Variants in CLPB observed in about 807,000 individuals in gnomAD.
CLPB encodes mitochondrial disaggregase.
CLPB carries 40 observed loss-of-function variants against 78.4 expected under a neutral mutation model. The ratio of observed to expected loss-of-function variants is 0.51; its 90% confidence interval spans 0.40 to 0.66. CLPB has a LOEUF of 0.66. CLPB is among the 30% of genes least tolerant of loss of function. The pLI is 0.00. For synonymous variants in CLPB, 333 were observed against 348.0 expected, an observed-to-expected ratio of 0.96 and a Z score of 0.48; for missense variants, 780 against 886.9, an observed-to-expected ratio of 0.88 and a Z score of 1.53.
intron 1 of CLPB, among the ~76,000 whole-genome samples, chr11:72,430,698 T>C (rs1396424716): frequency 1.3e-5 from 2 of 152,228 alleles, no homozygotes; most frequent in Admixed American, 6.5e-5. Flanking sequence ...TTTATGTTCC[T>C]ATAAGAGTTA....
chr11:72,330,904 C>T (rs1950212531), intron 5 of CLPB, among the ~76,000 whole-genome samples: 1 of 152,142 alleles, frequency 6.6e-6, no homozygotes, highest in African/African-American at 2.4e-5. Flanking sequence ...ATAGAATGGG[C>T]TGGCTGGGAA....
chr11:72,319,787 C>T (rs1213803755), intron 6 of CLPB, among the ~76,000 whole-genome samples: 1 of 152,226 alleles, frequency 6.6e-6, no homozygotes, highest in Admixed American at 6.5e-5. Context: ...AAATGGCTAC[C>T]TTCTACCTAA....
intron 7 of CLPB, 74 bp downstream of exon 7, chr11:72,317,032 A>C (rs560558664): frequency 3.0e-5 from 28 of 945,286 alleles, no homozygotes; most frequent in South Asian, 2.6e-4. Context: ...AACAGCGCCT[A>C]TCCAGTTTGG....
chr11:72,379,745 G>T (rs1388787295), intron 4 of CLPB, among the ~76,000 whole-genome samples: 1 of 152,184 alleles, frequency 6.6e-6, no homozygotes, highest in African/African-American at 2.4e-5. Flanking sequence ...AAGTTGAGGG[G>T]ACAGTCCCAG....
intron 4 of CLPB, among the ~76,000 whole-genome samples, chr11:72,367,697 C>A (rs930548575): frequency 2.0e-5 from 3 of 151,962 alleles, no homozygotes; most frequent in African/African-American, 4.8e-5. Context: ...ATACACCACA[C>A]CCCAGCATCA....
chr11:72,396,025 C>T (rs78871582), intron 3 of CLPB, among the ~76,000 whole-genome samples: 2,186 of 152,160 alleles, frequency 0.014, 43 homozygotes, highest in African/African-American at 0.05. Flanking sequence ...TTTAATGCAC[C>T]CTCTCCCCTT....
rs1477674811 is a variant in CLPB at position 72,286,219 on chromosome 11, AC to A, written c.*7147del. On this transcript the variant is annotated 3_prime_UTR_variant, in exon 16 of 16. Coordinates refer to ENST00000538039, the MANE Select transcript of CLPB (RefSeq NM_001258392.3). ...TGAGATTACAGGTGTGAGATACTGCACCTGTTTTTTTTTTTTTTTTTTTTTT... is the reference window on the plus strand; with the variant it reads ...TGAGATTACAGGTGTGAGATACTGCACTGTTTTTTTTTTTTTTTTTTTTTT... 1.9e-5 allele frequency: 1 copy of A among 53,504 alleles called. No homozygotes were observed. The highest frequency in any genetic ancestry group is 7.7e-5 in the African/African-American group (1 of 13,068). The allele number at this position is 53,504 out of a possible 1,614,324, so 3.3% of individuals were successfully genotyped here. A position where few individuals can be genotyped will look rare whatever the true frequency, so the allele number is the denominator to read the frequency against.
At position 72,380,264 on chromosome 11, in the gene CLPB, G is replaced by A. The variant is rs1421198345; in HGVS notation, c.646+17C>T. ...CAAGAGGAGAGCTCTCAGAGAAGCA[G>A]GACAGCCCACACTTACCTTCCAAAG... On this transcript the variant is annotated intron_variant, in intron 4 of 15. Transcript: ENST00000538039. 8 of 1,585,766 alleles carry A rather than the reference G, an allele frequency of 5.0e-6. No homozygotes were observed. Among genetic ancestry groups the A allele is most frequent in the Non-Finnish European group, 6.9e-6 (8 of 1,154,360 alleles).
chr11:72,329,769 T>C lies in CLPB; in HGVS notation c.811A>G (p.Thr271Ala). The C allele has an allele frequency of 1.9e-6, 3 of 1,613,984 alleles. No homozygotes were observed. The highest frequency in any genetic ancestry group is 2.5e-6 in the Non-Finnish European group (3 of 1,179,936). The change falls in exon 6 of 16, where the codon ACA (threonine) becomes GCA (alanine). Residue 271 changes from threonine to alanine, a missense_variant. Coordinates refer to ENST00000538039, the MANE Select transcript of CLPB (RefSeq NM_001258392.3). The stretch of plus-strand genomic sequence containing the variant: ...CCTTCTCGGGCATAATCCAAGGGTG[T>C]GTGTCCCATTTCATTCCTCTGCAGG... ...NPLQRNEMGHTPLDYAREGEV... is the reference protein window; with the variant it reads ...NPLQRNEMGHAPLDYAREGEV...
In CLPB at chr11:72,322,299, C is replaced by T. The variant is rs116887615; in HGVS notation, c.874-5079G>A. Among the ~76,000 whole-genome samples the T allele has an allele frequency of 3.9e-3, 587 of 152,236 alleles. 12 individuals are homozygous for T. The East Asian group carries it at 0.063, about 16-fold the overall frequency. Reference sequence around the variant, plus strand: ...TAAACATGTAAATCTGATCATGTCACTCCTCTGCAAATAGCTAGGTGGATC... The same window carrying T: ...TAAACATGTAAATCTGATCATGTCATTCCTCTGCAAATAGCTAGGTGGATC... On this transcript the variant is annotated intron_variant, in intron 6 of 15. Transcript: ENST00000538039.
chr11:72,371,588 T>G (rs1590859799), intron 4 of CLPB, among the ~76,000 whole-genome samples: 1 of 120,716 alleles, frequency 8.3e-6, no homozygotes, highest in South Asian at 2.8e-4. Context: ...TAAAATAAAA[T>G]AAAAGTTGTG....
At chr11:72,426,363 C>T (rs1039324410) in intron 2 of CLPB, among the ~76,000 whole-genome samples, 1 of 151,992 alleles carries the variant, frequency 6.6e-6, no homozygotes, top group East Asian at 1.9e-4. Context: ...CTCTAGTCTG[C>T]CTTGTGCCCT....
At chr11:72,356,401 C>T (rs1345894183) in intron 5 of CLPB, among the ~76,000 whole-genome samples, 1 of 151,984 alleles carries the variant, frequency 6.6e-6, no homozygotes, top group East Asian at 1.9e-4. Context: ...CTGGCAACAG[C>T]CCCTAGAATG....
intron 2 of CLPB, among the ~76,000 whole-genome samples, chr11:72,407,578 T>C (rs1182211398): frequency 1.3e-5 from 2 of 152,166 alleles, no homozygotes; most frequent in South Asian, 2.1e-4. Context: ...CTAAACCTGC[T>C]ATCATTTCAA....
chr11:72,410,806 C>T (rs1261095125), intron 2 of CLPB: 2 of 152,174 alleles, frequency 1.3e-5, no homozygotes, highest in Non-Finnish European at 2.9e-5. Flanking sequence ...GGCTAAAGAC[C>T]AAAGAGGTAA....
intron 5 of CLPB, among the ~76,000 whole-genome samples, chr11:72,343,406 A>C (rs1465915555): frequency 6.6e-6 from 1 of 152,174 alleles, no homozygotes; most frequent in African/African-American, 2.4e-5. Context: ...CGGTTCTGGG[A>C]ACAGGAACTG....
chr11:72,387,398 C>T (rs1361817254), intron 3 of CLPB, among the ~76,000 whole-genome samples: 1 of 152,158 alleles, frequency 6.6e-6, no homozygotes, highest in East Asian at 1.9e-4. Flanking sequence ...GTTATTATTA[C>T]TATGTACCTG....
Position 72,286,247 on chromosome 11 carries a change from A to G in CLPB, c.*7120T>C, listed in dbSNP as rs1355955097. ...TGTTTTTTTTTTTTTTTTTTTTTTTAAGAGATAGGGTGTCACTCTGCCACC... is the reference window on the plus strand; with the variant it reads ...TGTTTTTTTTTTTTTTTTTTTTTTTGAGAGATAGGGTGTCACTCTGCCACC... On this transcript the variant is annotated 3_prime_UTR_variant, in exon 16 of 16. Coordinates refer to ENST00000538039, the MANE Select transcript of CLPB (RefSeq NM_001258392.3). 4.2e-5 allele frequency: 1 copy of G among 23,638 alleles called. No individual in the cohort carries two copies. The highest frequency in any genetic ancestry group is 8.8e-5 in the Non-Finnish European group (1 of 11,356). The allele number at this position is 23,638 out of a possible 1,614,324, so 1.5% of individuals were successfully genotyped here.
At chr11:72,377,867 C>T (rs1006862449) in intron 4 of CLPB, among the ~76,000 whole-genome samples, 1 of 152,184 alleles carries the variant, frequency 6.6e-6, no homozygotes, top group African/African-American at 2.4e-5. Context: ...ATATCCACAT[C>T]ACTTCGTTTG....
Sources: allele counts gnomAD v4.1 joint callset (sites outside exome capture counted in the v4.1 genomes callset), GRCh38; gene constraint gnomAD v4.1.1; transcripts MANE v1.5; gene names NCBI Gene and HGNC (gene_info 2026-07-23, HGNC 2026-07-21).